Variants in BRCA2 observed in about 807,000 individuals in gnomAD.
BRCA2 encodes the protein breast cancer type 2 susceptibility protein.
BRCA2 carries 203 observed loss-of-function variants against 276.7 expected under a neutral mutation model. The observed-to-expected ratio is 0.73, with a 90% CI of 0.65 to 0.82. The LOEUF (loss-of-function observed/expected upper bound fraction) is 0.82, where lower values mean the gene tolerates loss of function less well. Ranked by LOEUF, BRCA2 falls within the 40% of genes least tolerant of loss-of-function variation. The pLI is 0.00. For synonymous variants in BRCA2, 1,289 were observed against 1,338.4 expected, an observed-to-expected ratio of 0.96 and a Z score of 0.81; for missense variants, 3,920 against 3,915.0, an observed-to-expected ratio of 1.00 and a Z score of -0.03.
At chr13:32,393,223 A>T (rs1296730763) in intron 24 of BRCA2, among the ~76,000 whole-genome samples, 2 of 147,910 alleles carry the variant, frequency 1.4e-5, no homozygotes, top group Admixed American at 6.7e-5. Flanking sequence ...TTTGAGACTG[A>T]ATCCTATTTC....
At position 32,376,910 on chromosome 13, in the gene BRCA2, A is replaced by T. The variant is rs540259413; in HGVS notation, c.8754+119A>T. 35 of 1,415,402 alleles carry T rather than the reference A, an allele frequency of 2.5e-5. No individual in the cohort carries two copies. In the South Asian group the frequency reaches 3.7e-4, roughly 15 times the overall value. 87.7% of individuals were successfully genotyped at this position (1,415,402 alleles called of 1,614,324 possible). On this transcript the variant is annotated intron_variant, in intron 21 of 26. Transcript: ENST00000380152. ...TGAAATGCTGCATTTCTCAAAAGGGATGTGTACATTTCTGGGATTTTCAGT... is the reference window on the plus strand; with the variant it reads ...TGAAATGCTGCATTTCTCAAAAGGGTTGTGTACATTTCTGGGATTTTCAGT...
chr13:32,319,206 A>C lies in BRCA2; in HGVS notation c.197A>C (p.Gln66Pro). ...GAACCAAACCTATTTAAAACTCCAC[A>C]AAGGAAACCATCTTATAATCAGCTG... ...NYEPNLFKTP[Q>P]RKPSYNQLAS... The change falls in exon 3 of 27, where the codon CAA becomes CCA. Residue 66 changes from glutamine to proline, a missense_variant. Transcript: ENST00000380152. 6.2e-7 allele frequency: 1 copy of C among 1,614,068 alleles called. No individual in the cohort carries two copies. The highest frequency in any genetic ancestry group is 8.5e-7 in the Non-Finnish European group (1 of 1,179,908).
Position 32,336,507 on chromosome 13 carries a change from G to A in BRCA2, c.2152G>A (p.Glu718Lys), listed in dbSNP as rs397507281. 3 of 1,614,064 alleles carry A rather than the reference G, an allele frequency of 1.9e-6. No homozygotes were observed. The highest frequency in any genetic ancestry group is 1.7e-6 in the Non-Finnish European group (2 of 1,180,014). ...SLSCLQEGQC[E>K]NDPKSKKVSD... ...GTCATGCCTGCAGGAAGGACAGTGTGAAAATGATCCAAAAAGCAAAAAAGT... is the reference window on the plus strand; with the variant it reads ...GTCATGCCTGCAGGAAGGACAGTGTAAAAATGATCCAAAAAGCAAAAAAGT... Residue 718 changes from glutamate to lysine, a missense_variant, in exon 11 of 27, where the codon GAA becomes AAA. Coordinates refer to ENST00000380152, the MANE Select transcript of BRCA2 (RefSeq NM_000059.4).
chr13:32,334,159 T>C (rs1323292671), intron 10 of BRCA2, among the ~76,000 whole-genome samples: 1 of 152,206 alleles, frequency 6.6e-6, no homozygotes, highest in Non-Finnish European at 1.5e-5. Context: ...CTGAGTCAGA[T>C]GGTATTTTTG....
In BRCA2 at chr13:32,336,961, C is replaced by T. The variant is rs80358523; in HGVS notation, c.2606C>T (p.Ser869Leu). 28 of 1,584,106 alleles carry T rather than the reference C, an allele frequency of 1.8e-5. No individual in the cohort carries two copies. Among genetic ancestry groups the T allele is most frequent in the Non-Finnish European group, 2.3e-5 (27 of 1,172,304 alleles). Reference sequence around the variant, plus strand: ...CAAAAAAATCAAGAAGAAACTACTTCAATTTCAAAAATAACTGTCAATCCA... The same window carrying T: ...CAAAAAAATCAAGAAGAAACTACTTTAATTTCAAAAATAACTGTCAATCCA... Reference protein sequence around the residue: ...VIQKNQEETTSISKITVNPDS... With the variant: ...VIQKNQEETTLISKITVNPDS... Residue 869 changes from serine to leucine, a missense_variant, in exon 11 of 27, where the codon TCA becomes TTA. By Grantham distance (145) the Ser-to-Leu change is moderately radical. Coordinates refer to ENST00000380152, the MANE Select transcript of BRCA2 (RefSeq NM_000059.4).
At chr13:32,373,633 T>A (rs534651864) in intron 20 of BRCA2, among the ~76,000 whole-genome samples, 4 of 152,236 alleles carry the variant, frequency 2.6e-5, no homozygotes, top group Non-Finnish European at 5.9e-5. Flanking sequence ...CATGCTGATA[T>A]AAGGGGTGGG....
chr13:32,389,612 G>C (rs2072983345), intron 24 of BRCA2, among the ~76,000 whole-genome samples: 1 of 152,024 alleles, frequency 6.6e-6, no homozygotes, highest in Non-Finnish European at 1.5e-5. Flanking sequence ...CTTCCCTCTG[G>C]CCTCTGGTTT....
At chr13:32,398,120 A>G (rs1400584066) in intron 26 of BRCA2, 42 bp from the exon 27 acceptor site, 4 of 1,560,860 alleles carry the variant, frequency 2.6e-6, no homozygotes, top group Non-Finnish European at 3.5e-6. Context: ...TTTTTATGTT[A>G]CTACATAATT....
chr13:32,358,222 T>C (rs1329012425), intron 16 of BRCA2, among the ~76,000 whole-genome samples: 2 of 152,184 alleles, frequency 1.3e-5, no homozygotes, highest in East Asian at 3.9e-4. Flanking sequence ...ATGCCTGTAA[T>C]CCCAGCACTT....
chr13:32,375,515 A>G (rs2072865101), intron 20 of BRCA2: 1 of 282,070 alleles, frequency 3.5e-6, no homozygotes, highest in Admixed American at 4.4e-5. Flanking sequence ...CTTTACCCAT[A>G]TCTATCAGAG....
In BRCA2 at chr13:32,316,477, AAG is replaced by A. The variant is rs397507623; in HGVS notation, c.22_23del (p.Arg8AlafsTer5). 6.2e-7 allele frequency: 1 copy of A among 1,614,116 alleles called. No individual in the cohort carries two copies. Among genetic ancestry groups the A allele is most frequent in the Non-Finnish European group, 8.5e-7 (1 of 1,179,954 alleles). On this transcript the variant is annotated frameshift_variant, in exon 2 of 27. Transcript: ENST00000380152. LOFTEE classifies it high-confidence loss of function. Reference sequence around the variant, plus strand: ...TAGGTAAAAATGCCTATTGGATCCAAAGAGAGGCCAACATTTTTTGAAATTTT... The same window carrying A: ...TAGGTAAAAATGCCTATTGGATCCAAAGAGGCCAACATTTTTTGAAATTTT...
In BRCA2 at chr13:32,398,627, G is replaced by C. The variant is rs1555290046; in HGVS notation, c.10114G>C (p.Ala3372Pro). The change falls in exon 27 of 27, where the codon GCT becomes CCT. Residue 3372 changes from alanine to proline, a missense_variant. Physicochemically the swap from Ala to Pro is conservative, Grantham distance 27. Coordinates refer to ENST00000380152, the MANE Select transcript of BRCA2 (RefSeq NM_000059.4). ...FISVSESTRT[A>P]PTSSEDYLRL... ...ATCTGTCAGTGAATCCACTAGGACT[G>C]CTCCCACCAGTTCAGAAGATTATCT... The C allele has an allele frequency of 6.2e-7, 1 of 1,614,158 alleles. No individual in the cohort carries two copies. Among genetic ancestry groups the C allele is most frequent in the Non-Finnish European group, 8.5e-7 (1 of 1,180,010 alleles).
intron 13 of BRCA2, among the ~76,000 whole-genome samples, chr13:32,353,591 G>A (rs1019136280): frequency 3.3e-5 from 5 of 152,094 alleles, no homozygotes; most frequent in Admixed American, 2.0e-4. Context: ...TAGGCCAATC[G>A]ACATATTTGT....
intron 20 of BRCA2, among the ~76,000 whole-genome samples, chr13:32,374,186 C>T (rs1236932961): frequency 6.6e-6 from 1 of 152,248 alleles, no homozygotes; most frequent in Non-Finnish European, 1.5e-5. Flanking sequence ...AACCATTTTT[C>T]CCTCCTAGGC....
chr13:32,366,360 T>C (rs184566953), intron 18 of BRCA2, among the ~76,000 whole-genome samples: 31 of 152,350 alleles, frequency 2.0e-4, no homozygotes, highest in African/African-American at 7.2e-4. Flanking sequence ...TGTATGTGTA[T>C]ACTCTTTTAC....
In BRCA2 at chr13:32,399,119, A is replaced by AGG. The variant is rs1310747602; in HGVS notation, c.*351_*352dup. 1 of 254,550 alleles carries AGG rather than the reference A, an allele frequency of 3.9e-6. No individual in the cohort carries two copies. Among genetic ancestry groups the AGG allele is most frequent in the African/African-American group, 2.2e-5 (1 of 45,144 alleles). The allele number at this position is 254,550 out of a possible 1,614,324, so 15.8% of individuals were successfully genotyped here. A position where few individuals can be genotyped will look rare whatever the true frequency, so the allele number is the denominator to read the frequency against. On this transcript the variant is annotated 3_prime_UTR_variant, in exon 27 of 27. Coordinates refer to ENST00000380152, the MANE Select transcript of BRCA2 (RefSeq NM_000059.4). ...AGTTCAAGACCAGCCTGGGCAACAT[A>AGG]GGGAGACCCCCATCTTTACAAAGAA...
rs863224586 is a variant in BRCA2 at position 32,337,176 on chromosome 13, G to A, written c.2821G>A (p.Val941Met). The A allele has an allele frequency of 6.2e-7, 1 of 1,613,594 alleles. No individual in the cohort carries two copies. Among genetic ancestry groups the A allele is most frequent in the Non-Finnish European group, 8.5e-7 (1 of 1,179,852 alleles). Residue 941 changes from valine to methionine, a missense_variant, in exon 11 of 27, where the codon GTG becomes ATG. By Grantham distance (21) the Val-to-Met change is conservative (BLOSUM62 1). Around this residue, in one of 2 missense-constraint regions of BRCA2, gnomAD observed 3,263 missense variants for 3,156.9 expected, o/e 1.03. Coordinates refer to ENST00000380152, the MANE Select transcript of BRCA2 (RefSeq NM_000059.4). ...GDTGDKQATQ[V>M]SIKKDLVYVL... Reference sequence around the variant, plus strand: ...CACAGGTGATAAACAAGCAACCCAAGTGTCAATTAAAAAAGATTTGGTTTA... The same window carrying A: ...CACAGGTGATAAACAAGCAACCCAAATGTCAATTAAAAAAGATTTGGTTTA...
At chr13:32,333,852 A>G (rs2072429533) in intron 10 of BRCA2, among the ~76,000 whole-genome samples, 1 of 151,930 alleles carries the variant, frequency 6.6e-6, no homozygotes, top group Non-Finnish European at 1.5e-5. Context: ...GCTCCCACTT[A>G]TGAGTGAGAA....
At chr13:32,346,735 T>C in intron 12 of BRCA2, 92 bp from the exon 13 acceptor site, 2 of 979,404 alleles carry the variant, frequency 2.0e-6, no homozygotes, top group East Asian at 5.3e-5. Flanking sequence ...TTGTAAAGCC[T>C]ATAATTGTCT....
Sources: gnomAD v4.1 joint callset for allele counts (sites outside exome capture counted in the v4.1 genomes callset) on GRCh38, gnomAD v4.1.1 for gene constraint, gnomAD v4.1.1 regional missense constraint, MANE v1.5 for transcripts, NCBI Gene and HGNC (gene_info 2026-07-23, HGNC 2026-07-21) for gene names.